Variants in TRAPPC8 observed in about 807,000 individuals in gnomAD.
The protein encoded by TRAPPC8 is trafficking protein particle complex subunit 8.
In TRAPPC8, 54 loss-of-function variants were observed where a neutral mutation model predicts 174.3. That is an observed-to-expected ratio of 0.31 (90% CI 0.25 to 0.39). The LOEUF (loss-of-function observed/expected upper bound fraction) is 0.39. TRAPPC8 is among the 10% of genes least tolerant of loss of function. The pLI is 1.00. For synonymous variants in TRAPPC8, 630 were observed against 579.9 expected (o/e 1.09, Z -1.24); for missense variants, 1,531 against 1,699.1 (o/e 0.90, Z 1.74).
At chr18:31,937,944 C>T (rs1415773779) in intron 1 of TRAPPC8, among the ~76,000 whole-genome samples, 1 of 152,148 alleles carries the variant, frequency 6.6e-6, no homozygotes, top group Admixed American at 6.6e-5. Flanking sequence ...CTCAGGTTAT[C>T]ATCCAACTCA....
At chr18:31,909,063 G>A (rs1269643479) in intron 6 of TRAPPC8, 53 bp from the exon 7 acceptor site, 15 of 1,502,686 alleles carry the variant, frequency 1.0e-5, no homozygotes, top group Non-Finnish European at 1.3e-5. Context: ...AGAAAACAGT[G>A]CTAATACTAC....
At chr18:31,925,792 C>T (rs1256933771) in intron 2 of TRAPPC8, among the ~76,000 whole-genome samples, 1 of 152,040 alleles carries the variant, frequency 6.6e-6, no homozygotes. Context: ...TTTTTAAGAG[C>T]AATGCTTGAA....
At chr18:31,858,669 T>C (rs539483189) in intron 19 of TRAPPC8, among the ~76,000 whole-genome samples, 3 of 152,362 alleles carry the variant, frequency 2.0e-5, no homozygotes, top group Non-Finnish European at 4.4e-5. Flanking sequence ...AAAAAAAATT[T>C]TTAAATTGAT....
At chr18:31,925,561 C>A (rs1005051522) in intron 2 of TRAPPC8, among the ~76,000 whole-genome samples, 1 of 152,034 alleles carries the variant, frequency 6.6e-6, no homozygotes, top group Non-Finnish European at 1.5e-5. Flanking sequence ...TCAGAAAGAA[C>A]AGAGAGAACA....
At chr18:31,845,159 C>T (rs1489983413) in intron 26 of TRAPPC8, 3 of 146,310 alleles carry the variant, frequency 2.1e-5, no homozygotes, top group African/African-American at 5.0e-5. Flanking sequence ...CCAGCCTGGG[C>T]GACAGCGAGA....
chr18:31,931,669 G>T, intron 1 of TRAPPC8, 146 bp from the exon 2 acceptor site: 1 of 584,736 alleles, frequency 1.7e-6, no homozygotes, highest in Non-Finnish European at 2.8e-6. Flanking sequence ...AAATATAAAT[G>T]GTTGACAACA....
chr18:31,940,101 T>C (rs1025733425), intron 1 of TRAPPC8, among the ~76,000 whole-genome samples: 3 of 152,158 alleles, frequency 2.0e-5, no homozygotes, highest in African/African-American at 7.2e-5. Flanking sequence ...GAATGTAAAA[T>C]ATCTCATGAA....
chr18:31,844,521 T>C (rs1416049094), intron 26 of TRAPPC8: 1 of 152,162 alleles, frequency 6.6e-6, no homozygotes, highest in Non-Finnish European at 1.5e-5. Context: ...AAATGTATTA[T>C]TAATATATTC....
intron 19 of TRAPPC8, 57 bp downstream of exon 19, chr18:31,864,570 C>A (rs982612262): frequency 1.8e-5 from 28 of 1,533,132 alleles, no homozygotes; most frequent in Non-Finnish European, 2.4e-5. Context: ...TTAATTTACT[C>A]AGAATATTTG....
At chr18:31,938,467 T>C (rs900169127) in intron 1 of TRAPPC8, among the ~76,000 whole-genome samples, 1 of 152,172 alleles carries the variant, frequency 6.6e-6, no homozygotes, top group African/African-American at 2.4e-5. Flanking sequence ...AAGTCTAAAC[T>C]GTATTTTGAA....
Position 31,900,933 on chromosome 18 carries a change from A to C in TRAPPC8, c.1482T>G (p.Asp494Glu). Residue 494 changes from aspartate (D) to glutamate (E), a missense_variant, in exon 10 of 29, where the codon GAT (aspartate) becomes GAG (glutamate). Physicochemically the swap from Asp to Glu is conservative, Grantham distance 45. Coordinates refer to ENST00000283351, the MANE Select transcript of TRAPPC8 (RefSeq NM_014939.5). ...YMDTAIQTYRDICKNMVLAER... is the reference protein window; with the variant it reads ...YMDTAIQTYREICKNMVLAER... ...CTTATATAGTCACCTACTTGCAGAT[A>C]TCTCTGTATGTCTGAATTGCTGTAT... is the stretch of plus-strand genomic sequence containing the variant. The C allele has an allele frequency of 1.1e-5, 17 of 1,589,384 alleles. No individual in the cohort carries two copies. The highest frequency in any genetic ancestry group is 1.4e-5 in the Non-Finnish European group (16 of 1,172,990).
At chr18:31,922,235 T>C (rs1334145723) in intron 2 of TRAPPC8, among the ~76,000 whole-genome samples, 1 of 152,196 alleles carries the variant, frequency 6.6e-6, no homozygotes, top group Admixed American at 6.6e-5. Flanking sequence ...GCAAAATACA[T>C]ACACATACAG....
intron 2 of TRAPPC8, among the ~76,000 whole-genome samples, chr18:31,925,623 A>G (rs2037583088): frequency 6.6e-6 from 1 of 152,224 alleles, no homozygotes. Flanking sequence ...TCAGGGCTAA[A>G]AAGTGCATAA....
chr18:31,906,205 G>A (rs2036650011), intron 9 of TRAPPC8, among the ~76,000 whole-genome samples: 1 of 150,382 alleles, frequency 6.6e-6, no homozygotes. Context: ...GATGGGTATG[G>A]TCGGGCATGC....
intron 11 of TRAPPC8, among the ~76,000 whole-genome samples, chr18:31,893,402 T>TGCGC (rs71177803): frequency 7.2e-6 from 1 of 138,246 alleles, no homozygotes; most frequent in African/African-American, 2.6e-5. Flanking sequence ...TGTGTGTGTG[T>TGCGC]GCGCGCGCGC....
intron 12 of TRAPPC8, among the ~76,000 whole-genome samples, chr18:31,875,333 A>G (rs2035089747): frequency 6.7e-6 from 1 of 149,026 alleles, no homozygotes; most frequent in Admixed American, 6.7e-5. Context: ...TATATATAGT[A>G]GTATATATAA....
At position 31,923,038 on chromosome 18, in the gene TRAPPC8, AT is replaced by A. The variant is rs1455206742; in HGVS notation, c.353-5372del. ...CCTCAAAACAAAACAAAACAAAAACATGCAGAATGTACTGTTTTACCTGGTA... is the reference window on the plus strand; with the variant it reads ...CCTCAAAACAAAACAAAACAAAAACAGCAGAATGTACTGTTTTACCTGGTA... On this transcript the variant is annotated intron_variant, in intron 2 of 28. Coordinates refer to ENST00000283351, the MANE Select transcript of TRAPPC8 (RefSeq NM_014939.5). 8.5e-5 allele frequency among the ~76,000 whole-genome samples: 13 copies of A among 152,282 alleles called. 1 individual carries two copies. In the South Asian group the frequency reaches 1.0e-3, roughly 12 times the overall value.
rs770267584 is a variant in TRAPPC8, at chr18:31,849,671, T to C, written c.3630A>G (p.Pro1210=). Residue 1210 remains proline, a synonymous_variant, in exon 25 of 29, where the codon CCA becomes CCG. Coordinates refer to ENST00000283351, the MANE Select transcript of TRAPPC8 (RefSeq NM_014939.5). ...YRSLSSELKK[P]QAHLPVHTEK... ...CTGTATGCACAGGCAAGTGAGCTTG[T>C]GGTTTTTTCAATTCAGAAGATAAAC... 1.2e-5 allele frequency: 19 copies of C among 1,612,564 alleles called. No homozygotes were observed. The Admixed American group carries it at 1.5e-4, about 13-fold the overall frequency.
chr18:31,833,953 G>T (rs1395260198), intron 27 of TRAPPC8, among the ~76,000 whole-genome samples: 1 of 129,066 alleles, frequency 7.7e-6, no homozygotes, highest in Admixed American at 8.4e-5. Context: ...AGTGAGCCGA[G>T]ATCACACCAC....
Sources: allele counts gnomAD v4.1 joint callset (sites outside exome capture counted in the v4.1 genomes callset), GRCh38; gene constraint gnomAD v4.1.1; transcripts MANE v1.5; gene names NCBI Gene and HGNC (gene_info 2026-07-23, HGNC 2026-07-21).